Variants in PML observed in about 807,000 individuals in gnomAD.
The protein encoded by PML is protein PML.
Under a neutral mutation model 65.2 loss-of-function variants are expected in PML, and 28 were observed. The ratio of observed to expected loss-of-function variants is 0.43; its 90% confidence interval spans 0.32 to 0.59. The LOEUF is 0.59. Ranked by LOEUF, PML falls within the 20% of genes least tolerant of loss-of-function variation. PML has a pLI of 0.08. For synonymous variants in PML, 500 were observed against 508.8 expected (o/e 0.98, Z 0.23); for missense variants, 1,021 against 1,203.4 (o/e 0.85, Z 2.24).
intron 2 of PML, among the ~76,000 whole-genome samples, chr15:74,010,841 T>A (rs1474640541): frequency 6.6e-6 from 1 of 152,170 alleles, no homozygotes; most frequent in Admixed American, 6.5e-5. Context: ...AGGGAAAACT[T>A]GTATTTATGT....
intron 2 of PML, among the ~76,000 whole-genome samples, chr15:74,007,925 T>C (rs1230960803): frequency 6.6e-6 from 1 of 152,134 alleles, no homozygotes; most frequent in Non-Finnish European, 1.5e-5. Flanking sequence ...TGTGACTGCG[T>C]TTTGATAGTT....
At chr15:74,033,079 TCCCTGGCAGTCA>T (rs2141871137) in intron 5 of PML, 65 bp from the exon 6 acceptor site, 2 of 1,528,644 alleles carry the variant, frequency 1.3e-6, no homozygotes, top group African/African-American at 2.7e-5. Flanking sequence ...TGGCCACAAG[TCCCTGGCAGTCA>T]GGGCAGGCTC....
chr15:74,044,364 A>G lies in PML; in HGVS notation c.2005A>G (p.Met669Val). ...LQHFLSFLSS[M>V]RRPILACYKL... ...GCACTTCCTCAGCTTTCTGAGCTCCATGCGCCGCCCTATCTTGGCCTGCTA... is the reference window on the plus strand; with the variant it reads ...GCACTTCCTCAGCTTTCTGAGCTCCGTGCGCCGCCCTATCTTGGCCTGCTA... Residue 669 changes from methionine to valine, a missense_variant, in exon 9 of 9, where the codon ATG (methionine) becomes GTG (valine). Physicochemically the swap from Met to Val is conservative, Grantham distance 21. Coordinates refer to ENST00000268058, the MANE Select transcript of PML (RefSeq NM_033238.3). 1.9e-6 allele frequency: 3 copies of G among 1,614,156 alleles called. No homozygotes were observed. Among genetic ancestry groups the G allele is most frequent in the Non-Finnish European group, 8.5e-7 (1 of 1,180,010 alleles).
At chr15:74,009,841 C>A (rs2070237299) in intron 2 of PML, among the ~76,000 whole-genome samples, 1 of 152,162 alleles carries the variant, frequency 6.6e-6, no homozygotes, top group Non-Finnish European at 1.5e-5. Context: ...GCTTGAGCCA[C>A]CACGCCCAGC....
intron 2 of PML, among the ~76,000 whole-genome samples, chr15:74,012,409 C>T (rs981295929): frequency 1.3e-5 from 2 of 152,164 alleles, no homozygotes; most frequent in Non-Finnish European, 2.9e-5. Context: ...CTCCTGACCT[C>T]GTGATCCACC....
At position 74,044,733 on chromosome 15, in the gene PML, C is replaced by CG; in HGVS notation, c.2377dup (p.Ala793GlyfsTer2). ...CCTGGTGCAGGCAGCTGTGCTGCCC[C>CG]GGGCTGAGGCCCGCCTCCTGGCCCT... On this transcript the variant is annotated frameshift_variant, in exon 9 of 9. Coordinates refer to ENST00000268058, the MANE Select transcript of PML (RefSeq NM_033238.3). LOFTEE classifies it low-confidence loss of function (END_TRUNC). 1 of 1,609,238 alleles carries CG rather than the reference C, an allele frequency of 6.2e-7. No individual in the cohort carries two copies. The highest frequency in any genetic ancestry group is 2.2e-5 in the East Asian group (1 of 44,842).
At chr15:74,044,168 C>A (rs2071743921) in intron 8 of PML, 53 bp from the exon 9 acceptor site, 2 of 1,591,554 alleles carry the variant, frequency 1.3e-6, no homozygotes, top group South Asian at 1.1e-5. Flanking sequence ...CTGCTCCCAC[C>A]CCAGAGCTCT....
At chr15:74,040,729 A>C (rs1487575076) in intron 7 of PML, among the ~76,000 whole-genome samples, 1 of 152,234 alleles carries the variant, frequency 6.6e-6, no homozygotes, top group Non-Finnish European at 1.5e-5. Context: ...GGAAGTCCCC[A>C]AGGGCAAGAG....
Position 74,032,662 on chromosome 15 carries a change from G to T in PML, c.1345G>T (p.Ala449Ser). The stretch of plus-strand genomic sequence containing the variant: ...GGCTGTGGTACAGTCAGTGCCCGGG[G>T]CACACCCCGTGCCAGTGTACGCCTT... ...PMAVVQSVPG[A>S]HPVPVYAFSI... The change falls in exon 5 of 9, where the codon GCA (alanine) becomes TCA (serine). Residue 449 changes from alanine (A) to serine (S), a missense_variant. By Grantham distance (99) the Ala-to-Ser change is moderately conservative. Transcript: ENST00000268058. The T allele has an allele frequency of 6.2e-7, 1 of 1,614,214 alleles. No homozygotes were observed. The highest frequency in any genetic ancestry group is 8.5e-7 in the Non-Finnish European group (1 of 1,180,016).
intron 1 of PML, among the ~76,000 whole-genome samples, chr15:73,997,776 A>C (rs1325571571): frequency 6.6e-6 from 1 of 152,216 alleles, no homozygotes; most frequent in African/African-American, 2.4e-5. Context: ...AGAGCCTATT[A>C]CTGTGGGTGA....
rs375794405 is a variant in PML, at chr15:74,023,092, C to T, written c.867C>T (p.His289=). ...AGCGCGTGCGCCAGGTGGTAGCTCA[C>T]GTGCGGGCTCAGGAGCGCGAGCTGC... is the stretch of plus-strand genomic sequence containing the variant. ...IRERVRQVVA[H]VRAQERELLE... The change falls in exon 3 of 9, where the codon CAC becomes CAT. Residue 289 remains histidine (H), a synonymous_variant. Transcript: ENST00000268058. 7 of 1,603,036 alleles carry T rather than the reference C, an allele frequency of 4.4e-6. No homozygotes were observed. Among genetic ancestry groups the T allele is most frequent in the Non-Finnish European group, 5.9e-6 (7 of 1,178,858 alleles).
chr15:74,004,991 C>G (rs8039276), intron 2 of PML, among the ~76,000 whole-genome samples: 1 of 151,520 alleles, frequency 6.6e-6, no homozygotes, highest in African/African-American at 2.4e-5. Flanking sequence ...GGATTATAGG[C>G]GTGAGCCACT....
At chr15:74,024,822 C>T (rs748430811) in intron 3 of PML, 35 bp from the exon 4 acceptor site, 4 of 1,537,276 alleles carry the variant, frequency 2.6e-6, no homozygotes, top group Non-Finnish European at 3.6e-6. Flanking sequence ...CCAGCATGTC[C>T]TTGACCTGCC....
intron 4 of PML, 178 bp from the exon 5 acceptor site, chr15:74,032,394 G>T (rs931568658): frequency 3.0e-6 from 2 of 657,794 alleles, no homozygotes; most frequent in Non-Finnish European, 5.4e-6. Flanking sequence ...AAAAAAGGAG[G>T]TGATGTGATG....
intron 2 of PML, among the ~76,000 whole-genome samples, chr15:74,007,620 A>C (rs542845433): frequency 6.6e-6 from 1 of 152,234 alleles, no homozygotes; most frequent in Admixed American, 6.5e-5. Flanking sequence ...TAGAGCTCAC[A>C]CTGGGGAGCA....
rs2071773567 is a variant in PML, at chr15:74,046,622, T to G, written c.*1614T>G. On this transcript the variant is annotated 3_prime_UTR_variant, in exon 9 of 9. Transcript: ENST00000268058. The stretch of plus-strand genomic sequence containing the variant: ...ACAGGCGCTGGTTCTGAAGCACCGA[T>G]GGAAACAGATTGATGCAGATGGAAG... 1 of 232,666 alleles carries G rather than the reference T, an allele frequency of 4.3e-6. No individual in the cohort carries two copies. Among genetic ancestry groups the G allele is most frequent in the Non-Finnish European group, 8.5e-6 (1 of 117,728 alleles). 14.4% of individuals were successfully genotyped at this position (232,666 alleles called of 1,614,324 possible).
intron 4 of PML, chr15:74,031,328 G>A (rs778650171): frequency 2.4e-6 from 1 of 421,006 alleles, no homozygotes; most frequent in Non-Finnish European, 4.7e-6. Flanking sequence ...AGGCTGGAGT[G>A]CAGTGACACA....
intron 6 of PML, chr15:74,033,921 G>A: frequency 2.7e-6 from 1 of 376,654 alleles, no homozygotes; most frequent in Non-Finnish European, 4.8e-6. Flanking sequence ...AGGAGTTGAG[G>A]TCAACCCAGA....
chr15:74,030,291 T>A (rs1251540978), intron 4 of PML, among the ~76,000 whole-genome samples: 2 of 152,080 alleles, frequency 1.3e-5, no homozygotes, highest in Admixed American at 6.5e-5. Context: ...GGGAGGGACA[T>A]AAAAGACTCA....
Sources: allele counts gnomAD v4.1 joint callset (sites outside exome capture counted in the v4.1 genomes callset), GRCh38; gene constraint gnomAD v4.1.1; transcripts MANE v1.5; gene names NCBI Gene and HGNC (gene_info 2026-07-23, HGNC 2026-07-21).